Variants in MRPS28 observed in about 807,000 individuals in gnomAD.
The protein encoded by MRPS28 is mitochondrial ribosomal protein S28, also known as small ribosomal subunit protein bS1m.
Under a neutral mutation model 10.8 loss-of-function variants are expected in MRPS28, and 7 were observed. The observed-to-expected ratio is 0.65, with a 90% CI of 0.37 to 1.22. The LOEUF (loss-of-function observed/expected upper bound fraction) is 1.22, where lower values mean the gene tolerates loss of function less well. Among genes scored for constraint, MRPS28 ranks in the 50% most tolerant of loss-of-function variants. The probability of loss-of-function intolerance (pLI) is 0.02; values close to 1 mark genes in which losing one functional copy is unlikely to be tolerated. For missense variants in MRPS28, 265 were observed against 232.9 expected (o/e 1.14, Z -0.90); for synonymous variants, 121 against 93.3 (o/e 1.30, Z -1.71).
At chr8:79,989,662 A>C (rs1051057507) in intron 2 of MRPS28, among the ~76,000 whole-genome samples, 4 of 152,180 alleles carry the variant, frequency 2.6e-5, no homozygotes, top group African/African-American at 9.7e-5. Flanking sequence ...ACTCTCACTT[A>C]ATGTGGTACA....
At chr8:79,952,656 A>C (rs1362992847) in intron 2 of MRPS28, among the ~76,000 whole-genome samples, 2 of 152,160 alleles carry the variant, frequency 1.3e-5, no homozygotes, top group African/African-American at 2.4e-5. Context: ...TTATTACAGG[A>C]AAGAGTCCCA....
intron 2 of MRPS28, among the ~76,000 whole-genome samples, chr8:79,952,716 G>A (rs1807108761): frequency 1.3e-5 from 2 of 152,136 alleles, no homozygotes; most frequent in Non-Finnish European, 2.9e-5. Context: ...TCTGCTACAG[G>A]GAGCCAGCTG....
intron 2 of MRPS28, among the ~76,000 whole-genome samples, chr8:79,970,088 T>C (rs1022194871): frequency 1.3e-5 from 2 of 152,214 alleles, no homozygotes; most frequent in African/African-American, 4.8e-5. Flanking sequence ...ACAAGTTCCA[T>C]GATACTTTGT....
intron 2 of MRPS28, among the ~76,000 whole-genome samples, chr8:79,996,630 A>G (rs192996259): frequency 9.9e-4 from 151 of 152,350 alleles, no homozygotes; most frequent in African/African-American, 3.0e-3. Context: ...CACACTGGTG[A>G]TTATGTTCCA....
chr8:80,007,904 C>A (rs1429047473), intron 1 of MRPS28, among the ~76,000 whole-genome samples: 4 of 152,020 alleles, frequency 2.6e-5, no homozygotes, highest in African/African-American at 9.7e-5. Flanking sequence ...ACTTTCTTCA[C>A]AGAATTGGAA....
chr8:80,018,716 C>T (rs1370809115), intron 1 of MRPS28, among the ~76,000 whole-genome samples: 1 of 152,152 alleles, frequency 6.6e-6, no homozygotes, highest in Non-Finnish European at 1.5e-5. Flanking sequence ...GCTCTGTTCA[C>T]AATAGCCAAA....
chr8:80,012,520 A>G (rs1043882341), intron 1 of MRPS28, among the ~76,000 whole-genome samples: 23 of 152,210 alleles, frequency 1.5e-4, no homozygotes, highest in African/African-American at 4.6e-4. Flanking sequence ...CAGAGACTGG[A>G]AGCATACTGT....
chr8:79,977,504 A>C (rs1047431708), intron 2 of MRPS28, among the ~76,000 whole-genome samples: 1 of 152,184 alleles, frequency 6.6e-6, no homozygotes, highest in Admixed American at 6.5e-5. Flanking sequence ...TTTGATCAAT[A>C]AATTATTTTT....
At chr8:79,983,589 A>T (rs986059259) in intron 2 of MRPS28, among the ~76,000 whole-genome samples, 1 of 152,238 alleles carries the variant, frequency 6.6e-6, no homozygotes, top group African/African-American at 2.4e-5. Flanking sequence ...AGGAGCTGAC[A>T]GAGCTGAAAG....
Position 80,004,040 on chromosome 8 carries a change from T to G in MRPS28, c.214-860A>C, listed in dbSNP as rs56233047. ...AAGCTCAAGGAGGCCTGCCTGCCTC[T>G]GTAGACTCCACCTCTGGGGGCAGGG... On this transcript the variant is annotated intron_variant, in intron 1 of 2. Transcript: ENST00000276585. Among the ~76,000 whole-genome samples, 764 of 152,314 alleles carry G rather than the reference T, an allele frequency of 5.0e-3. 5 individuals are homozygous for G. The highest frequency in any genetic ancestry group is 0.018 in the African/African-American group (729 of 41,566).
At chr8:79,995,602 T>C (rs987057997) in intron 2 of MRPS28, among the ~76,000 whole-genome samples, 5 of 152,174 alleles carry the variant, frequency 3.3e-5, no homozygotes, top group African/African-American at 1.2e-4. Flanking sequence ...AGGGCATCAG[T>C]GAACAGGGAG....
At chr8:79,925,683 A>T (rs1284915185) in intron 2 of MRPS28, among the ~76,000 whole-genome samples, 1 of 152,246 alleles carries the variant, frequency 6.6e-6, no homozygotes, top group African/African-American at 2.4e-5. Context: ...TTACAAAAGA[A>T]GATGTGTCAA....
intron 2 of MRPS28, among the ~76,000 whole-genome samples, chr8:79,977,747 G>A (rs1406682292): frequency 1.3e-5 from 2 of 152,036 alleles, no homozygotes; most frequent in African/African-American, 4.8e-5. Context: ...AACCCGGGAG[G>A]CGGAGGTTGT....
chr8:80,006,166 A>T (rs1808836671), intron 1 of MRPS28, among the ~76,000 whole-genome samples: 1 of 152,212 alleles, frequency 6.6e-6, no homozygotes, highest in Non-Finnish European at 1.5e-5. Context: ...CCCCAACCAA[A>T]ATCAACAGAA....
At chr8:79,983,618 G>A (rs1808048281) in intron 2 of MRPS28, among the ~76,000 whole-genome samples, 2 of 152,334 alleles carry the variant, frequency 1.3e-5, no homozygotes, top group East Asian at 1.9e-4. Flanking sequence ...CGAGAACTAC[G>A]TGAAGAATGC....
intron 2 of MRPS28, among the ~76,000 whole-genome samples, chr8:79,996,187 T>C (rs1325174710): frequency 6.6e-6 from 1 of 152,186 alleles, no homozygotes; most frequent in Non-Finnish European, 1.5e-5. Context: ...TAGCCAATTT[T>C]CTATTATTTA....
At chr8:79,995,670 T>A (rs1310217605) in intron 2 of MRPS28, among the ~76,000 whole-genome samples, 1 of 152,208 alleles carries the variant, frequency 6.6e-6, no homozygotes, top group Non-Finnish European at 1.5e-5. Context: ...GTTAGTTATC[T>A]GGTGACATCA....
At chr8:79,983,299 G>C (rs1227289931) in intron 2 of MRPS28, among the ~76,000 whole-genome samples, 2 of 151,980 alleles carry the variant, frequency 1.3e-5, no homozygotes, top group South Asian at 4.1e-4. Flanking sequence ...AAGACCAAAA[G>C]TAGATAAAAC....
intron 2 of MRPS28, among the ~76,000 whole-genome samples, chr8:79,963,443 T>G (rs531377287): frequency 6.6e-6 from 1 of 152,266 alleles, no homozygotes; most frequent in South Asian, 2.1e-4. Context: ...TATAATTACC[T>G]GTTTGCATTA....
Sources: allele counts gnomAD v4.1 joint callset (sites outside exome capture counted in the v4.1 genomes callset), GRCh38; gene constraint gnomAD v4.1.1; transcripts MANE v1.5; gene names NCBI Gene and HGNC (gene_info 2026-07-23, HGNC 2026-07-21).